The following SYNJ1 variants were observed in gnomAD, a reference collection of about 807,000 sequenced individuals.
The protein encoded by SYNJ1 is synaptojanin 1, also known as polyphosphatidylinositol phosphatase SYNJ1.
SYNJ1 carries 78 observed loss-of-function variants against 168.2 expected under a neutral mutation model. That is an observed-to-expected ratio of 0.46 (90% CI 0.39 to 0.56). SYNJ1 has a LOEUF of 0.56. SYNJ1 is among the 20% of genes least tolerant of loss of function. SYNJ1 has a pLI of 0.00. For missense variants in SYNJ1, 1,303 were observed against 1,597.6 expected (o/e 0.82, Z 3.14); for synonymous variants, 539 against 548.6 (o/e 0.98, Z 0.24).
intron 18 of SYNJ1, among the ~76,000 whole-genome samples, chr21:32,658,308 A>G (rs1259769348): frequency 6.6e-6 from 1 of 152,218 alleles, no homozygotes; most frequent in Non-Finnish European, 1.5e-5. Flanking sequence ...AGAGAGAAGC[A>G]GCTTGACTTC....
chr21:32,649,444 A>G lies in SYNJ1; in HGVS notation c.3037+740T>C, dbSNP rs189593042. Among the ~76,000 whole-genome samples the G allele has an allele frequency of 1.6e-4, 24 of 152,366 alleles. No homozygotes were observed. In the East Asian group the frequency reaches 4.6e-3, roughly 29 times the overall value. On this transcript the variant is annotated intron_variant, in intron 23 of 32. Transcript: ENST00000674351. Reference sequence around the variant, plus strand: ...GCATATTGTGTTAGAAAACAAATGCATTTAAAAATTTTTTCTTTTGATAAT... The same window carrying G: ...GCATATTGTGTTAGAAAACAAATGCGTTTAAAAATTTTTTCTTTTGATAAT...
At chr21:32,718,283 A>G (rs765174787) in intron 2 of SYNJ1, among the ~76,000 whole-genome samples, 1 of 152,216 alleles carries the variant, frequency 6.6e-6, no homozygotes, top group Non-Finnish European at 1.5e-5. Flanking sequence ...AAATGAAAGC[A>G]CTTAAGAACT....
rs768063936 is a variant in SYNJ1, at chr21:32,695,846, G to GT, written c.480-565dup. On this transcript the variant is annotated intron_variant, in intron 4 of 32. Coordinates refer to ENST00000674351, the MANE Select transcript of SYNJ1 (RefSeq NM_203446.3). ...CCGGGCTAATTTTTTGTTTTGTTTT[G>GT]TTTTTTTTTTTCTTTTTTGAGACGG... Among the ~76,000 whole-genome samples, 282 of 144,044 alleles carry GT rather than the reference G, an allele frequency of 2.0e-3. 1 individual carries two copies. The highest frequency in any genetic ancestry group is 3.6e-3 in the Middle Eastern group (1 of 276). 94.5% of individuals were successfully genotyped at this position (144,044 alleles called of 152,430 possible).
At chr21:32,708,158 G>C (rs66528773) in intron 2 of SYNJ1, among the ~76,000 whole-genome samples, 1 of 152,110 alleles carries the variant, frequency 6.6e-6, no homozygotes, top group African/African-American at 2.4e-5. Context: ...AGGTGGGGGT[G>C]GGAAATATAG....
At chr21:32,670,265 G>T in intron 15 of SYNJ1, 23 bp downstream of exon 15, 1 of 1,604,174 alleles carries the variant, frequency 6.2e-7, no homozygotes, top group Non-Finnish European at 8.5e-7. Context: ...AAATTTTTCA[G>T]TGGATTAATG....
intron 10 of SYNJ1, among the ~76,000 whole-genome samples, chr21:32,681,901 A>C (rs1435220870): frequency 2.0e-5 from 3 of 152,180 alleles, no homozygotes; most frequent in Non-Finnish European, 4.4e-5. Context: ...TTATCTTATT[A>C]AAGTATCCCT....
Position 32,631,613 on chromosome 21 carries a change from AC to A in SYNJ1, c.*191del, listed in dbSNP as rs1465289249. On this transcript the variant is annotated 3_prime_UTR_variant, in exon 33 of 33. Coordinates refer to ENST00000674351, the MANE Select transcript of SYNJ1 (RefSeq NM_203446.3). Reference sequence around the variant, plus strand: ...GCATTGTTGGCATGCAACTTACAGAACTCAAAACATTACTTTGCGTTGCAGA... The same window carrying A: ...GCATTGTTGGCATGCAACTTACAGAATCAAAACATTACTTTGCGTTGCAGA... The A allele has an allele frequency of 6.4e-7, 1 of 1,566,280 alleles. No homozygotes were observed. The highest frequency in any genetic ancestry group is 1.8e-5 in the Admixed American group (1 of 55,804).
chr21:32,666,507 C>T lies in SYNJ1; in HGVS notation c.1878G>A (p.Val626=), dbSNP rs1601348321. The part of the protein sequence containing the change: ...QKTISRDNKY[V]LLASEQLVGV... ...CCACCAACTGTTCAGAAGCCAGCAG[C>T]ACATACTTGTTGTCTCTGGAGATTG... The change falls in exon 16 of 33, where the codon GTG becomes GTA. Residue 626 remains valine (V), a synonymous_variant. Transcript: ENST00000674351. 2.5e-6 allele frequency: 4 copies of T among 1,614,106 alleles called. No homozygotes were observed. The highest frequency in any genetic ancestry group is 2.5e-6 in the Non-Finnish European group (3 of 1,179,998).
chr21:32,699,799 T>C (rs1340573674), intron 4 of SYNJ1, 39 bp downstream of exon 4: 2 of 1,587,088 alleles, frequency 1.3e-6, no homozygotes, highest in Non-Finnish European at 1.7e-6. Context: ...GCTGAACATA[T>C]TATGTCCCAA....
intron 2 of SYNJ1, among the ~76,000 whole-genome samples, chr21:32,707,283 C>T (rs1316391786): frequency 1.5e-4 from 20 of 130,574 alleles, no homozygotes; most frequent in Middle Eastern, 3.9e-3. Context: ...TTTCTTTTTC[C>T]TTTTTTTTTT....
chr21:32,645,506 T>C, intron 25 of SYNJ1, 140 bp downstream of exon 25: 1 of 1,228,816 alleles, frequency 8.1e-7, no homozygotes. Context: ...ACCATGTTCT[T>C]TAGAGAAAAG....
chr21:32,639,651 G>C lies in SYNJ1; in HGVS notation c.3697+20C>G. 6.2e-7 allele frequency: 1 copy of C among 1,604,614 alleles called. No homozygotes were observed. Among genetic ancestry groups the C allele is most frequent in the Non-Finnish European group, 8.5e-7 (1 of 1,172,240 alleles). ...GGGCTCAAGTGATCCTCCTGCCTCA[G>C]CCTCCCAAAGAGGACCTACCTTTCG... On this transcript the variant is annotated intron_variant, in intron 30 of 32. Transcript: ENST00000674351.
chr21:32,642,265 T>C (rs975922566), intron 27 of SYNJ1, 132 bp from the exon 28 acceptor site: 17 of 910,878 alleles, frequency 1.9e-5, no homozygotes, highest in South Asian at 1.3e-4. Flanking sequence ...ACAAAGCACT[T>C]TGCTTTGTAT....
At chr21:32,713,667 T>G (rs1040272557) in intron 2 of SYNJ1, among the ~76,000 whole-genome samples, 2 of 149,380 alleles carry the variant, frequency 1.3e-5, no homozygotes, top group Admixed American at 6.7e-5. Flanking sequence ...TATATCAACA[T>G]GGATGATTTC....
In SYNJ1 at chr21:32,646,447, G is replaced by A. The variant is rs759699908; in HGVS notation, c.3193C>T (p.Pro1065Ser). ...TISEGPVPSL[P>S]IRPSRAPSRT... ...GACGGTGCTCGGCTTGGTCTGATGGGAAGGGAAGGTACAGGACCCTCTGAT... is the reference window on the plus strand; with the variant it reads ...GACGGTGCTCGGCTTGGTCTGATGGAAAGGGAAGGTACAGGACCCTCTGAT... The change falls in exon 24 of 33, where the codon CCC becomes TCC. Residue 1065 changes from proline (P) to serine (S), a missense_variant. This residue lies in a region of SYNJ1 where 383 missense variants were observed against 388.8 expected (regional missense o/e 0.99). Coordinates refer to ENST00000674351, the MANE Select transcript of SYNJ1 (RefSeq NM_203446.3). 6.2e-7 allele frequency: 1 copy of A among 1,614,192 alleles called. No individual in the cohort carries two copies. Among genetic ancestry groups the A allele is most frequent in the Non-Finnish European group, 8.5e-7 (1 of 1,180,038 alleles).
At chr21:32,717,805 T>A (rs1241089499) in intron 2 of SYNJ1, among the ~76,000 whole-genome samples, 1 of 152,200 alleles carries the variant, frequency 6.6e-6, no homozygotes, top group Non-Finnish European at 1.5e-5. Flanking sequence ...TTTGTGCAAC[T>A]GTCTCATCTC....
intron 18 of SYNJ1, among the ~76,000 whole-genome samples, chr21:32,663,083 T>C (rs983753182): frequency 2.6e-5 from 4 of 152,194 alleles, no homozygotes; most frequent in African/African-American, 9.7e-5. Flanking sequence ...GCCAAGCATG[T>C]AGCCTAGTCT....
At chr21:32,677,723 G>A (rs764415138) in intron 12 of SYNJ1, among the ~76,000 whole-genome samples, 1 of 152,102 alleles carries the variant, frequency 6.6e-6, no homozygotes, top group Non-Finnish European at 1.5e-5. Context: ...GGTCCCTGAG[G>A]AACTGTCCGT....
intron 31 of SYNJ1, among the ~76,000 whole-genome samples, chr21:32,635,469 C>G (rs1569021241): frequency 6.6e-6 from 1 of 152,154 alleles, no homozygotes; most frequent in Non-Finnish European, 1.5e-5. Flanking sequence ...AGTGCCCTCA[C>G]CAGAACTCAA....
Sources: gnomAD v4.1 joint callset for allele counts (sites outside exome capture counted in the v4.1 genomes callset) on GRCh38, gnomAD v4.1.1 for gene constraint, gnomAD v4.1.1 regional missense constraint, MANE v1.5 for transcripts, NCBI Gene and HGNC (gene_info 2026-07-23, HGNC 2026-07-21) for gene names.